Variants in CTCFL observed in about 807,000 individuals in gnomAD.
CTCFL encodes the protein CCCTC-binding factor like.
CTCFL carries 36 observed loss-of-function variants against 67.4 expected under a neutral mutation model. That is an observed-to-expected ratio of 0.53 (90% CI 0.41 to 0.71). The LOEUF (loss-of-function observed/expected upper bound fraction) is 0.71. CTCFL is among the 30% of genes least tolerant of loss of function. The pLI is 0.00. For missense variants in CTCFL, 786 were observed against 835.2 expected, an observed-to-expected ratio of 0.94 and a Z score of 0.73; for synonymous variants, 324 against 302.3, an observed-to-expected ratio of 1.07 and a Z score of -0.75.
chr20:57,518,641 A>T (rs2069103698), intron 5 of CTCFL, 117 bp downstream of exon 5: 2 of 1,576,752 alleles, frequency 1.3e-6, no homozygotes, highest in Non-Finnish European at 1.7e-6. Context: ...CATAAATTTT[A>T]TATGAATAAT....
In CTCFL at chr20:57,514,642, T is replaced by A. The variant is rs768388683; in HGVS notation, c.1280A>T (p.Lys427Ile). Residue 427 changes from lysine to isoleucine, a missense_variant, in exon 7 of 11, where the codon AAA (lysine) becomes ATA (isoleucine). Transcript: ENST00000243914. ...ILQKHGENVP[K>I]YQCPHCATII... ...GGTGGCACAATGGGGACACTGGTAT[T>A]TGGGGACATTTTCGCCGTGTTTCTG... 1.2e-6 allele frequency: 2 copies of A among 1,614,050 alleles called. No homozygotes were observed. The highest frequency in any genetic ancestry group is 1.7e-5 in the Admixed American group (1 of 59,988).
At chr20:57,516,063 G>A (rs1600668506) in intron 5 of CTCFL, among the ~76,000 whole-genome samples, 1 of 152,174 alleles carries the variant, frequency 6.6e-6, no homozygotes, top group East Asian at 1.9e-4. Flanking sequence ...TAGGGAAAAT[G>A]AGCAGCAGTT....
intron 5 of CTCFL, 71 bp downstream of exon 5, chr20:57,518,687 A>C (rs767495424): frequency 2.4e-5 from 39 of 1,612,870 alleles, no homozygotes; most frequent in Non-Finnish European, 3.2e-5. Flanking sequence ...ACTGTTAGTT[A>C]CACTTGGAGT....
intron 9 of CTCFL, chr20:57,506,844 AT>A (rs1555850375): frequency 1.0e-6 from 1 of 985,146 alleles, no homozygotes; most frequent in Non-Finnish European, 1.2e-6. Flanking sequence ...CAATTTTTGC[AT>A]GAGCAATGGT....
intron 5 of CTCFL, chr20:57,518,470 C>T (rs2069091994): frequency 7.4e-7 from 1 of 1,359,118 alleles, no homozygotes; most frequent in Non-Finnish European, 9.6e-7. Flanking sequence ...AGATAAAATG[C>T]AGAACTTTTA....
intron 5 of CTCFL, among the ~76,000 whole-genome samples, chr20:57,517,526 C>T (rs1221229763): frequency 6.6e-6 from 1 of 152,148 alleles, no homozygotes; most frequent in Non-Finnish European, 1.5e-5. Flanking sequence ...AATACGCTCA[C>T]CTTGGCCTCC....
intron 7 of CTCFL, among the ~76,000 whole-genome samples, chr20:57,514,140 A>G (rs1040609282): frequency 2.0e-5 from 3 of 152,198 alleles, no homozygotes; most frequent in African/African-American, 4.8e-5. Context: ...TTCTGCTTCC[A>G]AAACTTCTTA....
At chr20:57,522,161 A>G (rs929262213) in intron 3 of CTCFL, among the ~76,000 whole-genome samples, 3 of 152,138 alleles carry the variant, frequency 2.0e-5, no homozygotes, top group Admixed American at 2.0e-4. Flanking sequence ...CAAGAAACCT[A>G]AGTGAAGGGC....
Position 57,508,710 on chromosome 20 carries a change from G to A in CTCFL, c.1570C>T (p.Arg524Ter), listed in dbSNP as rs1205889847. The A allele has an allele frequency of 1.9e-6, 3 of 1,614,002 alleles. No individual in the cohort carries two copies. Among genetic ancestry groups the A allele is most frequent in the African/African-American group, 1.3e-5 (1 of 74,900 alleles). The change falls in exon 9 of 11, where the codon CGA becomes TGA. Residue 524 changes from arginine (R) to a stop codon, truncating the protein, a stop_gained. Coordinates refer to ENST00000243914, the MANE Select transcript of CTCFL (RefSeq NM_001386993.1). LOFTEE classifies it high-confidence loss of function. ...TGAGCGTTTAGAAGTTGCTTCTGTC[G>A]GAAACATTTATTGCAAGAAAGGCAG... ...FTCLSCNKCF[R>*]QKQLLNAHFR...
At chr20:57,514,880 G>A (rs1460611839) in intron 6 of CTCFL, 139 bp from the exon 7 acceptor site, 1 of 822,610 alleles carries the variant, frequency 1.2e-6, no homozygotes, top group Admixed American at 2.9e-5. Flanking sequence ...CAATTAGTAT[G>A]AGACTCCCAA....
chr20:57,505,241 G>A (rs763232279), intron 9 of CTCFL, among the ~76,000 whole-genome samples: 1 of 151,668 alleles, frequency 6.6e-6, no homozygotes, highest in South Asian at 2.1e-4. Flanking sequence ...TCAATGAGAA[G>A]ACAAAATTTA....
intron 3 of CTCFL, among the ~76,000 whole-genome samples, chr20:57,522,199 G>A (rs530287622): frequency 2.0e-5 from 3 of 152,236 alleles, no homozygotes; most frequent in East Asian, 3.9e-4. Context: ...ATGGGGTGGT[G>A]GTGGCAGTGT....
chr20:57,523,329 A>G, intron 2 of CTCFL, 51 bp from the exon 3 acceptor site: 1 of 1,524,594 alleles, frequency 6.6e-7, no homozygotes, highest in Non-Finnish European at 9.0e-7. Context: ...CAGTATAATT[A>G]GACTTTTGCC....
intron 8 of CTCFL, among the ~76,000 whole-genome samples, chr20:57,509,392 T>C (rs2068413801): frequency 6.6e-6 from 1 of 151,006 alleles, no homozygotes; most frequent in Non-Finnish European, 1.5e-5. Context: ...GCCTCCTGAG[T>C]AGCTGGGACT....
In CTCFL at chr20:57,514,630, G is replaced by A. The variant is rs568862189; in HGVS notation, c.1292C>T (p.Pro431Leu). 2.1e-5 allele frequency: 34 copies of A among 1,614,188 alleles called. No individual in the cohort carries two copies. In the South Asian group the frequency reaches 3.5e-4, roughly 17 times the overall value. The change falls in exon 7 of 11, where the codon CCC becomes CTC. Residue 431 changes from proline (P) to leucine (L), a missense_variant. By Grantham distance (98) the Pro-to-Leu change is moderately conservative (BLOSUM62 -3). Coordinates refer to ENST00000243914, the MANE Select transcript of CTCFL (RefSeq NM_001386993.1). The part of the protein sequence containing the change: ...HGENVPKYQC[P>L]HCATIIARKS... The stretch of plus-strand genomic sequence containing the variant: ...CCGTGCAATGATGGTGGCACAATGG[G>A]GACACTGGTATTTGGGGACATTTTC...
intron 10 of CTCFL, among the ~76,000 whole-genome samples, chr20:57,501,037 G>A (rs562004908): frequency 2.3e-4 from 35 of 152,290 alleles, no homozygotes; most frequent in African/African-American, 7.9e-4. Flanking sequence ...TACAATGTGC[G>A]CTGATGAACT....
At chr20:57,518,914 C>T (rs1035528642) in intron 4 of CTCFL, 23 bp from the exon 5 acceptor site, 6 of 1,594,328 alleles carry the variant, frequency 3.8e-6, no homozygotes, top group East Asian at 2.2e-5. Flanking sequence ...ATAGTTCATA[C>T]TTTCAAAACA....
chr20:57,504,383 G>A (rs1346668438), intron 9 of CTCFL, among the ~76,000 whole-genome samples: 3 of 146,172 alleles, frequency 2.1e-5, no homozygotes, highest in African/African-American at 5.2e-5. Context: ...AGGTTCAAGC[G>A]ATTCTCCTGC....
chr20:57,496,187 C>T (rs1056881673), downstream of CTCFL: 9 of 516,806 alleles, frequency 1.7e-5, no homozygotes, highest in Non-Finnish European at 2.5e-5. Flanking sequence ...ATGACAGTGG[C>T]GGTTCTCAAG....
Sources: gnomAD v4.1 joint callset for allele counts (sites outside exome capture counted in the v4.1 genomes callset) on GRCh38, gnomAD v4.1.1 for gene constraint, MANE v1.5 for transcripts, NCBI Gene and HGNC (gene_info 2026-07-23, HGNC 2026-07-21) for gene names.